Variants in GALNT13 observed in about 807,000 individuals in gnomAD.
GALNT13 encodes the protein UDP-GalNAc:polypeptide N-acetylgalactosaminyltransferase 13.
Under a neutral mutation model 64.2 loss-of-function variants are expected in GALNT13, and 28 were observed. That is an observed-to-expected ratio of 0.44 (90% confidence interval 0.32 to 0.60). The LOEUF is 0.60. GALNT13 is among the 20% of genes least tolerant of loss of function. The pLI, the probability that GALNT13 is intolerant of heterozygous loss-of-function variation, is 0.05. For synonymous variants in GALNT13, 214 were observed against 224.6 expected (o/e 0.95, Z 0.42); for missense variants, 577 against 669.8 (o/e 0.86, Z 1.53).
At chr2:154,317,675 A>G (rs1451214096) in intron 9 of GALNT13, among the ~76,000 whole-genome samples, 7 of 152,142 alleles carry the variant, frequency 4.6e-5, no homozygotes, top group Non-Finnish European at 8.8e-5. Flanking sequence ...GCAGCTATAC[A>G]TCCCTGTTTC....
At chr2:153,275,679 A>G in the GALNT13 span, among the ~76,000 whole-genome samples, 259 of 152,324 alleles carry the variant, frequency 1.7e-3, 1 homozygote, top group African/African-American at 5.8e-3. Flanking sequence ...TAAGGGATGT[A>G]AAGCATTCCA....
chr2:153,784,729 G>A, the GALNT13 span, among the ~76,000 whole-genome samples: 294 of 152,236 alleles, frequency 1.9e-3, 1 homozygote, highest in African/African-American at 6.0e-3. Flanking sequence ...GCACAGTGAC[G>A]TCTATAGGCC....
At position 154,287,479 on chromosome 2, in the gene GALNT13, C is replaced by T. The variant is rs575037331; in HGVS notation, c.976-13930C>T. On this transcript the variant is annotated intron_variant, in intron 8 of 12. Transcript: ENST00000392825. Reference sequence around the variant, plus strand: ...CCAACTAGGCCACAGCCCAGTGATTCTTAACAATGCTTCCTTTTGCCCCCA... The same window carrying T: ...CCAACTAGGCCACAGCCCAGTGATTTTTAACAATGCTTCCTTTTGCCCCCA... 3.8e-4 allele frequency: 127 copies of T among 332,450 alleles called. No individual in the cohort carries two copies. In the South Asian group the frequency reaches 3.9e-3, roughly 10 times the overall value. The allele number at this position is 332,450 out of a possible 1,614,324, so 20.6% of individuals were successfully genotyped here.
the GALNT13 span, among the ~76,000 whole-genome samples, chr2:153,292,875 A>G: frequency 3.9e-5 from 6 of 152,310 alleles, no homozygotes; most frequent in African/African-American, 1.4e-4. Context: ...ATATATTTAT[A>G]TATCTACATA....
intron 8 of GALNT13, among the ~76,000 whole-genome samples, chr2:154,277,637 G>T (rs1324280635): frequency 6.6e-6 from 1 of 152,058 alleles, no homozygotes; most frequent in African/African-American, 2.4e-5. Flanking sequence ...TAATGTTGAG[G>T]GGAGAATTTC....
the GALNT13 span, among the ~76,000 whole-genome samples, chr2:153,749,701 T>G: frequency 9.9e-5 from 15 of 152,094 alleles, no homozygotes; most frequent in Admixed American, 9.8e-4. Context: ...CTGGCAACTT[T>G]GGCGAGTTTT....
the GALNT13 span, among the ~76,000 whole-genome samples, chr2:153,568,401 T>A: frequency 6.6e-6 from 1 of 152,150 alleles, no homozygotes; most frequent in East Asian, 1.9e-4. Context: ...CTATTCTGTA[T>A]ATTGAAACTT....
At chr2:153,171,005 C>T in the GALNT13 span, among the ~76,000 whole-genome samples, 1 of 152,174 alleles carries the variant, frequency 6.6e-6, no homozygotes, top group African/African-American at 2.4e-5. Flanking sequence ...TTAGTGTACA[C>T]TTTTGTTTGT....
intron 3 of GALNT13, among the ~76,000 whole-genome samples, chr2:154,085,061 C>T (rs1466797869): frequency 2.0e-5 from 3 of 151,890 alleles, no homozygotes; most frequent in Non-Finnish European, 4.4e-5. Context: ...CAACTCTACA[C>T]AACTGATCTA....
At chr2:153,969,584 G>A (rs1417767685) in intron 3 of GALNT13, among the ~76,000 whole-genome samples, 1 of 151,580 alleles carries the variant, frequency 6.6e-6, no homozygotes, top group Non-Finnish European at 1.5e-5. Flanking sequence ...TGCTTTTATT[G>A]TCTGAATTTA....
rs182627769 is a variant in GALNT13 at position 154,017,822 on chromosome 2, G to A, written c.142+73183G>A. Among the ~76,000 whole-genome samples the A allele has an allele frequency of 1.8e-3, 275 of 152,190 alleles. 2 individuals are homozygous for A. Among genetic ancestry groups the A allele is most frequent in the Middle Eastern group, 3.4e-3 (1 of 294 alleles). On this transcript the variant is annotated intron_variant, in intron 3 of 12. Coordinates refer to ENST00000392825, the MANE Select transcript of GALNT13 (RefSeq NM_052917.4). The stretch of plus-strand genomic sequence containing the variant: ...ATTGTGGAGTTTATTTTTGTTATTC[G>A]TAGGGAGAATTTTAGGTATTGTAGC...
chr2:153,431,816 G>A, the GALNT13 span, among the ~76,000 whole-genome samples: 1 of 152,172 alleles, frequency 6.6e-6, no homozygotes. Flanking sequence ...TCAGTTACAT[G>A]TATAACACCA....
chr2:153,998,874 A>G (rs1048854699), intron 3 of GALNT13, among the ~76,000 whole-genome samples: 2 of 152,242 alleles, frequency 1.3e-5, no homozygotes, highest in Admixed American at 6.5e-5. Flanking sequence ...CAGTTTTCCC[A>G]ACACCATTTA....
At chr2:153,099,614 T>C in the GALNT13 span, among the ~76,000 whole-genome samples, 3 of 152,336 alleles carry the variant, frequency 2.0e-5, no homozygotes, top group African/African-American at 7.2e-5. Context: ...TTTTACTTTA[T>C]GTGAAATACT....
At chr2:153,907,593 C>A (rs369779799) in intron 2 of GALNT13, among the ~76,000 whole-genome samples, 5 of 151,834 alleles carry the variant, frequency 3.3e-5, no homozygotes, top group African/African-American at 9.7e-5. Context: ...GTCTGTTTTT[C>A]CCTTCTTTGT....
chr2:153,580,382 G>A, the GALNT13 span, among the ~76,000 whole-genome samples: 4 of 151,926 alleles, frequency 2.6e-5, no homozygotes, highest in East Asian at 3.9e-4. Context: ...ATGTCATCTC[G>A]TTTCCAGCTC....
At chr2:153,328,616 C>T in the GALNT13 span, among the ~76,000 whole-genome samples, 1 of 152,100 alleles carries the variant, frequency 6.6e-6, no homozygotes, top group African/African-American at 2.4e-5. Context: ...GAGGGGAAAC[C>T]CGTCTACTCA....
chr2:153,670,350 G>A, the GALNT13 span, among the ~76,000 whole-genome samples: 1 of 152,166 alleles, frequency 6.6e-6, no homozygotes, highest in East Asian at 1.9e-4. Flanking sequence ...TCCAGAGGAA[G>A]GGTCAGACAG....
At chr2:154,298,018 T>C (rs1180330020) in intron 8 of GALNT13, among the ~76,000 whole-genome samples, 1 of 152,104 alleles carries the variant, frequency 6.6e-6, no homozygotes, top group African/African-American at 2.4e-5. Flanking sequence ...CAAGTCTGGA[T>C]CCCAGAAAAG....
Sources: gnomAD v4.1 joint callset for allele counts (sites outside exome capture counted in the v4.1 genomes callset) on GRCh38, gnomAD v4.1.1 for gene constraint, MANE v1.5 for transcripts, NCBI Gene and HGNC (gene_info 2026-07-23, HGNC 2026-07-21) for gene names.